Variants in ADCY2 observed in about 807,000 individuals in gnomAD.
The protein encoded by ADCY2 is adenylate cyclase type 2.
ADCY2 carries 31 observed loss-of-function variants against 125.2 expected under a neutral mutation model. The observed-to-expected ratio is 0.25, with a 90% confidence interval of 0.19 to 0.33. The LOEUF (loss-of-function observed/expected upper bound fraction) is 0.33, where lower values mean the gene tolerates loss of function less well. ADCY2 is among the 10% of genes least tolerant of loss of function. The pLI is 1.00. For synonymous variants in ADCY2, 512 were observed against 548.4 expected (o/e 0.93, Z 0.93); for missense variants, 904 against 1,418.2 (o/e 0.64, Z 5.82).
At chr5:7,512,230 A>AG (rs1561066793) in intron 2 of ADCY2, among the ~76,000 whole-genome samples, 4 of 147,720 alleles carry the variant, frequency 2.7e-5, no homozygotes, top group Non-Finnish European at 5.9e-5. Context: ...AAAAAAAAAA[A>AG]AAAAAAAAAA....
chr5:7,636,132 T>A (rs897179633), intron 4 of ADCY2, among the ~76,000 whole-genome samples: 14 of 152,170 alleles, frequency 9.2e-5, no homozygotes, highest in Non-Finnish European at 1.8e-4. Flanking sequence ...GAAGTTAGGA[T>A]GGGGTAGAAG....
At chr5:7,643,337 G>A (rs141492758) in intron 4 of ADCY2, among the ~76,000 whole-genome samples, 146 of 152,034 alleles carry the variant, frequency 9.6e-4, no homozygotes, top group African/African-American at 3.4e-3. Context: ...CATTTATCTT[G>A]TATCCAGACA....
At chr5:7,706,370 C>A (rs1741266011) in intron 7 of ADCY2, among the ~76,000 whole-genome samples, 1 of 152,176 alleles carries the variant, frequency 6.6e-6, no homozygotes, top group South Asian at 2.1e-4. Flanking sequence ...AAATTGCAAA[C>A]CCTGTTTAAG....
chr5:7,824,320 G>A (rs1049906300), intron 24 of ADCY2, among the ~76,000 whole-genome samples: 5 of 152,178 alleles, frequency 3.3e-5, no homozygotes, highest in African/African-American at 1.2e-4. Flanking sequence ...TGTGCATCGA[G>A]ATGGACAGCT....
chr5:7,568,333 C>A (rs1735968760), intron 3 of ADCY2, among the ~76,000 whole-genome samples: 1 of 152,120 alleles, frequency 6.6e-6, no homozygotes, highest in South Asian at 2.1e-4. Flanking sequence ...CAGATGCATA[C>A]CTCTTAATTA....
chr5:7,413,600 T>G (rs889564528), intron 1 of ADCY2, among the ~76,000 whole-genome samples: 12 of 85,296 alleles, frequency 1.4e-4, no homozygotes, highest in Admixed American at 4.7e-4. Flanking sequence ...ACCCGGCCGG[T>G]TTTTTTTTTT....
chr5:7,454,283 A>G (rs1033860555), intron 2 of ADCY2, among the ~76,000 whole-genome samples: 2 of 152,208 alleles, frequency 1.3e-5, no homozygotes, highest in African/African-American at 4.8e-5. Context: ...AGGTATGTGC[A>G]TTCTTTAAGT....
At chr5:7,425,621 G>A (rs1740358327) in intron 2 of ADCY2, among the ~76,000 whole-genome samples, 1 of 152,158 alleles carries the variant, frequency 6.6e-6, no homozygotes, top group African/African-American at 2.4e-5. Flanking sequence ...ACTAAACTCT[G>A]GTATTCTGTA....
chr5:7,646,028 T>C (rs865863511), intron 4 of ADCY2, among the ~76,000 whole-genome samples: 2 of 152,102 alleles, frequency 1.3e-5, no homozygotes, highest in South Asian at 2.1e-4. Context: ...ATTCAGAAAA[T>C]GCAACTTCCG....
At chr5:7,776,180 A>C (rs1017290074) in intron 18 of ADCY2, among the ~76,000 whole-genome samples, 7 of 142,726 alleles carry the variant, frequency 4.9e-5, no homozygotes, top group African/African-American at 1.8e-4. Context: ...TCCCAATATG[A>C]AAGTGAGATC....
intron 3 of ADCY2, among the ~76,000 whole-genome samples, chr5:7,545,447 CT>C (rs935216894): frequency 8.5e-5 from 13 of 152,084 alleles, no homozygotes; most frequent in Non-Finnish European, 1.6e-4. Context: ...TAAGTTTCAC[CT>C]TCCTGTTAAT....
At chr5:7,632,870 A>G (rs1294925992) in intron 4 of ADCY2, among the ~76,000 whole-genome samples, 2 of 152,198 alleles carry the variant, frequency 1.3e-5, no homozygotes, top group Admixed American at 6.5e-5. Flanking sequence ...TCAAGTCTGC[A>G]GTATTTTCTG....
chr5:7,716,326 C>T (rs969944114), intron 11 of ADCY2, among the ~76,000 whole-genome samples: 108 of 152,092 alleles, frequency 7.1e-4, no homozygotes, highest in African/African-American at 2.3e-3. Flanking sequence ...AAGGAAAACA[C>T]GAAAAAGGAA....
intron 15 of ADCY2, among the ~76,000 whole-genome samples, chr5:7,756,872 G>A (rs1460269090): frequency 6.6e-6 from 1 of 152,202 alleles, no homozygotes; most frequent in African/African-American, 2.4e-5. Flanking sequence ...GAAAAAAGGA[G>A]CTTCTCCGTG....
chr5:7,590,411 T>G (rs887251814), intron 3 of ADCY2, among the ~76,000 whole-genome samples: 3 of 152,250 alleles, frequency 2.0e-5, no homozygotes, highest in African/African-American at 7.2e-5. Context: ...AAATGTTGGC[T>G]ATTCTTTTTA....
At chr5:7,774,839 C>A (rs567753507) in intron 18 of ADCY2, among the ~76,000 whole-genome samples, 1 of 152,240 alleles carries the variant, frequency 6.6e-6, no homozygotes, top group South Asian at 2.1e-4. Context: ...CTCTCACTTC[C>A]TAATTTTTTA....
chr5:7,697,403 G>A (rs551729365), intron 6 of ADCY2, among the ~76,000 whole-genome samples: 7 of 152,012 alleles, frequency 4.6e-5, no homozygotes, highest in Non-Finnish European at 5.9e-5. Flanking sequence ...GTTCAATAAC[G>A]GGGGGTTATT....
intron 10 of ADCY2, among the ~76,000 whole-genome samples, chr5:7,710,158 C>T (rs561826970): frequency 2.0e-5 from 3 of 152,246 alleles, no homozygotes; most frequent in South Asian, 4.1e-4. Flanking sequence ...GTTTTTCAGT[C>T]GCCCTGGGCC....
chr5:7,796,744 G>A (rs1744433128), intron 20 of ADCY2: 1 of 152,138 alleles, frequency 6.6e-6, no homozygotes, highest in South Asian at 2.1e-4. Flanking sequence ...GGAGAGTTCT[G>A]TGCACCCAGA....
Sources: gnomAD v4.1 joint callset for allele counts (sites outside exome capture counted in the v4.1 genomes callset) on GRCh38, gnomAD v4.1.1 for gene constraint, MANE v1.5 for transcripts, NCBI Gene and HGNC (gene_info 2026-07-23, HGNC 2026-07-21) for gene names.